The following ADGRE1 variants were observed in gnomAD, a reference collection of about 807,000 sequenced individuals.
The protein encoded by ADGRE1 is EGF-like module receptor 1.
Under a neutral mutation model 102.7 loss-of-function variants are expected in ADGRE1, and 82 were observed. The ratio of observed to expected loss-of-function variants is 0.80; its 90% CI spans 0.67 to 0.96. The LOEUF (loss-of-function observed/expected upper bound fraction) is 0.96. Among genes scored for constraint, ADGRE1 ranks in the 40% least tolerant of loss-of-function variants. The pLI, the probability that ADGRE1 is intolerant of heterozygous loss-of-function variation, is 0.00. For missense variants in ADGRE1, 1,032 were observed against 1,085.3 expected, an observed-to-expected ratio of 0.95 and a Z score of 0.69; for synonymous variants, 398 against 399.6, an observed-to-expected ratio of 1.00 and a Z score of 0.05.
At chr19:6,927,381 G>C (rs1974967976) in intron 16 of ADGRE1, among the ~76,000 whole-genome samples, 1 of 147,122 alleles carries the variant, frequency 6.8e-6, no homozygotes, top group Admixed American at 7.0e-5. Flanking sequence ...TCTTGTCTAT[G>C]CTAGGCTGTG....
chr19:6,897,553 C>A lies in ADGRE1; in HGVS notation c.514+6C>A. 1.3e-6 allele frequency: 2 copies of A among 1,538,420 alleles called. No homozygotes were observed. The highest frequency in any genetic ancestry group is 1.3e-5 in the South Asian group (1 of 77,162). Reference sequence around the variant, plus strand: ...TAGAAACTCCACCTGTGAAGGTATCCATGACCATCTCTTTATTATTTACCT... The same window carrying A: ...TAGAAACTCCACCTGTGAAGGTATCAATGACCATCTCTTTATTATTTACCT... On this transcript the variant is annotated splice_donor_region_variant and intron_variant, in intron 5 of 20. Coordinates refer to ENST00000312053, the MANE Select transcript of ADGRE1 (RefSeq NM_001974.5).
At chr19:6,927,067 A>AGG (rs148374851) in intron 16 of ADGRE1, among the ~76,000 whole-genome samples, 2 of 146,472 alleles carry the variant, frequency 1.4e-5, no homozygotes, top group African/African-American at 5.3e-5. Context: ...CTCAGAAAAA[A>AGG]GTGGGGGGAA....
chr19:6,916,180 TGGACAGAAA>T, intron 11 of ADGRE1, 60 bp from the exon 12 acceptor site: 3 of 1,556,504 alleles, frequency 1.9e-6, no homozygotes, highest in South Asian at 2.4e-5. Flanking sequence ...TACCTTTTTT[TGGACAGAAA>T]CCAAATTCAG....
intron 2 of ADGRE1, chr19:6,895,715 T>C (rs1437620726): frequency 1.3e-5 from 2 of 152,234 alleles, no homozygotes; most frequent in African/African-American, 4.8e-5. Flanking sequence ...AACTTCCCTG[T>C]GCGCACACAT....
At chr19:6,924,657 T>C (rs1164307178) in intron 14 of ADGRE1, 21 bp from the exon 15 acceptor site, 1 of 1,606,152 alleles carries the variant, frequency 6.2e-7, no homozygotes. Context: ...TCAGGCCAAC[T>C]CTGAAATTCC....
In ADGRE1 at chr19:6,896,436, GCCACCT is replaced by G; in HGVS notation, c.134_139del (p.Ala45_Cys47delinsGly). On this transcript the variant is annotated inframe_deletion, in exon 3 of 21. Coordinates refer to ENST00000312053, the MANE Select transcript of ADGRE1 (RefSeq NM_001974.5). ...AGACAGTACCTTGTGCCCAGCTTATGCCACCTGCACCAATACAGTGGACAGTTACTA... is the reference window on the plus strand; with the variant it reads ...AGACAGTACCTTGTGCCCAGCTTATGGCACCAATACAGTGGACAGTTACTA... The G allele has an allele frequency of 1.2e-6, 2 of 1,614,046 alleles. No individual in the cohort carries two copies. Among genetic ancestry groups the G allele is most frequent in the Non-Finnish European group, 1.7e-6 (2 of 1,179,964 alleles).
At chr19:6,902,732 C>A (rs1396822078) in intron 6 of ADGRE1, among the ~76,000 whole-genome samples, 1 of 148,954 alleles carries the variant, frequency 6.7e-6, no homozygotes, top group Non-Finnish European at 1.5e-5. Flanking sequence ...TGAGCCACTG[C>A]GCCCAGCCTG....
intron 13 of ADGRE1, among the ~76,000 whole-genome samples, 164 bp from the exon 14 acceptor site, chr19:6,921,549 G>C (rs1974666252): frequency 6.6e-6 from 1 of 152,192 alleles, no homozygotes; most frequent in Admixed American, 6.5e-5. Context: ...TGCCCTATCA[G>C]ATTGGCCCTC....
At position 6,940,407 on chromosome 19, in the gene ADGRE1, C is replaced by A; in HGVS notation, c.*378C>A. 4.1e-6 allele frequency: 1 copy of A among 243,768 alleles called. No individual in the cohort carries two copies. Among genetic ancestry groups the A allele is most frequent in the Non-Finnish European group, 8.0e-6 (1 of 125,692 alleles). 15.1% of individuals were successfully genotyped at this position (243,768 alleles called of 1,614,324 possible). On this transcript the variant is annotated 3_prime_UTR_variant, in exon 21 of 21. Transcript: ENST00000312053. Reference sequence around the variant, plus strand: ...CCTATCATACGCCTGATACAGAGAACCTCTCAATAAATGATTTGTCGCCTG... The same window carrying A: ...CCTATCATACGCCTGATACAGAGAAACTCTCAATAAATGATTTGTCGCCTG...
Position 6,916,366 on chromosome 19 carries a change from C to T in ADGRE1, c.1418C>T (p.Thr473Ile). ...GCSTIEESES[T>I]ETTGVAFVSF... is the part of the protein sequence containing the mutation. Reference sequence around the variant, plus strand: ...TCCACAATTGAGGAATCTGAATCCACAGGTACAGGTCCTCTCCTGAGAATG... The same window carrying T: ...TCCACAATTGAGGAATCTGAATCCATAGGTACAGGTCCTCTCCTGAGAATG... The change falls in exon 12 of 21, where the codon ACA becomes ATA. Residue 473 changes from threonine (T) to isoleucine (I), a missense_variant and splice_region_variant. Physicochemically the swap from Thr to Ile is moderately conservative, Grantham distance 89 (BLOSUM62 -1). Coordinates refer to ENST00000312053, the MANE Select transcript of ADGRE1 (RefSeq NM_001974.5). 1 of 1,612,846 alleles carries T rather than the reference C, an allele frequency of 6.2e-7. No homozygotes were observed.
At chr19:6,926,095 A>G (rs567454864) in intron 15 of ADGRE1, among the ~76,000 whole-genome samples, 14 of 152,264 alleles carry the variant, frequency 9.2e-5, no homozygotes, top group African/African-American at 3.1e-4. Context: ...GTGATCGACA[A>G]TCAGTTTTCC....
chr19:6,896,206 T>G (rs1309734202), intron 2 of ADGRE1, 192 bp from the exon 3 acceptor site: 4 of 552,102 alleles, frequency 7.2e-6, no homozygotes, highest in Non-Finnish European at 1.3e-5. Context: ...TTTATCTTAA[T>G]TGCATCTACA....
chr19:6,931,628 T>C (rs1233880010), intron 17 of ADGRE1, among the ~76,000 whole-genome samples: 7 of 152,018 alleles, frequency 4.6e-5, no homozygotes, highest in Non-Finnish European at 7.4e-5. Context: ...CAAAACCCTG[T>C]CTCTACTGAA....
chr19:6,913,417 T>TG (rs770648810), intron 10 of ADGRE1, among the ~76,000 whole-genome samples: 109,040 of 151,656 alleles, frequency 0.72, 39,728 homozygotes, highest in East Asian at 0.77. Context: ...GCTGACCTCA[T>TG]GATCCACCCA....
intron 3 of ADGRE1, 128 bp from the exon 4 acceptor site, chr19:6,897,021 A>G (rs2144893066): frequency 1.0e-6 from 1 of 959,794 alleles, no homozygotes; most frequent in Non-Finnish European, 1.5e-6. Flanking sequence ...ATTGCTTGAC[A>G]GAAGAAGTAC....
chr19:6,933,666 C>T (rs180809570), intron 17 of ADGRE1, among the ~76,000 whole-genome samples: 6 of 152,092 alleles, frequency 3.9e-5, no homozygotes, highest in African/African-American at 1.2e-4. Context: ...GGATTACAGG[C>T]ATGAGCCACC....
At chr19:6,929,936 C>T (rs979612949) in intron 17 of ADGRE1, among the ~76,000 whole-genome samples, 6 of 152,086 alleles carry the variant, frequency 3.9e-5, no homozygotes, top group African/African-American at 1.4e-4. Context: ...TGAGTCTCTG[C>T]GCCCAGCCAG....
rs1973328580 is a variant in ADGRE1 at position 6,890,525 on chromosome 19, CG to C, written c.78del (p.Lys27AsnfsTer83). 6.2e-7 allele frequency: 1 copy of C among 1,609,902 alleles called. No homozygotes were observed. The highest frequency in any genetic ancestry group is 1.4e-5 in the African/African-American group (1 of 74,002). On this transcript the variant is annotated frameshift_variant, in exon 2 of 21. Transcript: ENST00000312053. LOFTEE classifies it high-confidence loss of function. ...CTGGGAAGGGCACATAAGACCCACA[CG>C]GAAACCAAACACAAAGGGTAAGTTG... The part of the protein sequence containing the change: ...HSWEGHIRPT[R>X]KPNTKGNNCR...
intron 2 of ADGRE1, among the ~76,000 whole-genome samples, chr19:6,891,901 G>T (rs886845121): frequency 6.6e-6 from 1 of 152,074 alleles, no homozygotes; most frequent in South Asian, 2.1e-4. Context: ...GGCCAGAACG[G>T]TGGGTGCAAA....
Sources: gnomAD v4.1 joint callset for allele counts (sites outside exome capture counted in the v4.1 genomes callset) on GRCh38, gnomAD v4.1.1 for gene constraint, MANE v1.5 for transcripts, NCBI Gene and HGNC (gene_info 2026-07-23, HGNC 2026-07-21) for gene names.